Variants in SUCO observed in about 807,000 individuals in gnomAD.
The protein encoded by SUCO is SUN domain-containing ossification factor.
SUCO carries 57 observed loss-of-function variants against 148.1 expected under a neutral mutation model. The ratio of observed to expected loss-of-function variants is 0.38; its 90% CI spans 0.31 to 0.48. The LOEUF (loss-of-function observed/expected upper bound fraction) is 0.48, where lower values mean the gene tolerates loss of function less well. Among genes scored for constraint, SUCO ranks in the 20% least tolerant of loss-of-function variants. SUCO has a pLI of 0.96. For synonymous variants in SUCO, 470 were observed against 502.7 expected (o/e 0.93, Z 0.87); for missense variants, 1,331 against 1,468.2 (o/e 0.91, Z 1.53).
intron 7 of SUCO, chr1:172,569,472 A>C: frequency 4.1e-6 from 4 of 981,860 alleles, no homozygotes; most frequent in Non-Finnish European, 3.6e-6. Flanking sequence ...ACTTGCATAA[A>C]ATCCTTGGGT....
At chr1:172,572,755 A>G (rs1655139116) in intron 9 of SUCO, among the ~76,000 whole-genome samples, 1 of 143,534 alleles carries the variant, frequency 7.0e-6, no homozygotes, top group Non-Finnish European at 1.5e-5. Flanking sequence ...AAAAAGGAGT[A>G]TGTTTCTTCT....
At chr1:172,582,998 G>A (rs1187093978) in intron 15 of SUCO, among the ~76,000 whole-genome samples, 5 of 151,946 alleles carry the variant, frequency 3.3e-5, no homozygotes, top group African/African-American at 9.7e-5. Flanking sequence ...CAAAAAATTC[G>A]AAATCTCATA....
At chr1:172,573,460 G>T (rs1655195766) in intron 9 of SUCO, among the ~76,000 whole-genome samples, 1 of 152,050 alleles carries the variant, frequency 6.6e-6, no homozygotes, top group Admixed American at 6.6e-5. Flanking sequence ...ATATACAAAG[G>T]TGGACATCTG....
At chr1:172,594,657 A>ATT (rs1340697681) in intron 19 of SUCO, among the ~76,000 whole-genome samples, 1 of 152,116 alleles carries the variant, frequency 6.6e-6, no homozygotes, top group Non-Finnish European at 1.5e-5. Context: ...GTTTGTTATA[A>ATT]TTTCTGTTCT....
intron 1 of SUCO, among the ~76,000 whole-genome samples, chr1:172,548,800 C>T (rs1653060113): frequency 6.6e-6 from 1 of 151,892 alleles, no homozygotes; most frequent in African/African-American, 2.4e-5. Context: ...GGGAAATGTT[C>T]CACGTGTCCT....
At chr1:172,607,222 T>C (rs983977790) in intron 22 of SUCO, among the ~76,000 whole-genome samples, 3 of 151,964 alleles carry the variant, frequency 2.0e-5, no homozygotes, top group Non-Finnish European at 4.4e-5. Context: ...TTTTTCTCTT[T>C]GAAAAGTTAT....
At position 172,580,027 on chromosome 1, in the gene SUCO, C is replaced by T. The variant is rs146215622; in HGVS notation, c.1498+760C>T. On this transcript the variant is annotated intron_variant, in intron 15 of 23. Coordinates refer to ENST00000263688, the MANE Select transcript of SUCO (RefSeq NM_014283.5). ...CTTAGTGAATTGAATTGTTGAATAC[C>T]GATGTCTGTGAACATTGACTTTGTA... Among the ~76,000 whole-genome samples the T allele has an allele frequency of 4.3e-3, 650 of 152,166 alleles. 4 individuals are homozygous for T. The highest frequency in any genetic ancestry group is 0.018 in the South Asian group (88 of 4,820).
At chr1:172,536,054 C>A (rs1651989555) in intron 1 of SUCO, among the ~76,000 whole-genome samples, 1 of 152,214 alleles carries the variant, frequency 6.6e-6, no homozygotes, top group African/African-American at 2.4e-5. Flanking sequence ...CTAATATTTG[C>A]TGACAGCTGT....
At chr1:172,541,869 T>C in intron 1 of SUCO, 3 of 980,088 alleles carry the variant, frequency 3.1e-6, no homozygotes, top group Non-Finnish European at 3.6e-6. Flanking sequence ...TAAAGTTCAA[T>C]GAGAAAAGAA....
chr1:172,577,096 A>G (rs1472542667), intron 11 of SUCO: 1 of 575,908 alleles, frequency 1.7e-6, no homozygotes, highest in African/African-American at 2.0e-5. Flanking sequence ...ACTGTTACCA[A>G]TATGTATATG....
Position 172,533,246 on chromosome 1 carries a change from GCCTCTGTGGGGC to G in SUCO, c.-185_-174del. ...AGTCCTGTGAAGCGCCCCTGTCCGC[GCCTCTGTGGGGC>G]CCTCAGAGAGGGCTGCCAGGACGCG... On this transcript the variant is annotated 5_prime_UTR_variant, in exon 1 of 24. Transcript: ENST00000263688. 6.5e-7 allele frequency: 1 copy of G among 1,547,628 alleles called. No individual in the cohort carries two copies. Among genetic ancestry groups the G allele is most frequent in the Non-Finnish European group, 8.7e-7 (1 of 1,146,356 alleles).
intron 10 of SUCO, 22 bp downstream of exon 10, chr1:172,574,020 A>G (rs748576134): frequency 2.8e-5 from 38 of 1,374,300 alleles, no homozygotes; most frequent in East Asian, 2.3e-4. Flanking sequence ...AGCTGTTTCT[A>G]TAGGGTCTAT....
At chr1:172,568,727 A>G (rs1654734903) in intron 6 of SUCO, among the ~76,000 whole-genome samples, 1 of 152,158 alleles carries the variant, frequency 6.6e-6, no homozygotes, top group Non-Finnish European at 1.5e-5. Context: ...CAGGCTATAT[A>G]TGAGTAATTG....
At chr1:172,546,357 G>T (rs1427487873) in intron 1 of SUCO, among the ~76,000 whole-genome samples, 1 of 152,110 alleles carries the variant, frequency 6.6e-6, no homozygotes, top group Non-Finnish European at 1.5e-5. Flanking sequence ...GAAAAGAAAG[G>T]TAAGAAGATA....
chr1:172,534,144 G>A (rs1195379765), intron 1 of SUCO, among the ~76,000 whole-genome samples: 1 of 152,096 alleles, frequency 6.6e-6, no homozygotes, highest in African/African-American at 2.4e-5. Context: ...CCTTAGTGAC[G>A]GGAAGGTAAA....
intron 11 of SUCO, 134 bp downstream of exon 11, chr1:172,575,757 T>C (rs1655390568): frequency 4.0e-6 from 2 of 504,214 alleles, no homozygotes; most frequent in Non-Finnish European, 6.8e-6. Context: ...AGATAATTCT[T>C]ACTTGGGTAT....
chr1:172,543,646 A>T (rs1273775216), intron 1 of SUCO, among the ~76,000 whole-genome samples: 1 of 152,152 alleles, frequency 6.6e-6, no homozygotes, highest in Non-Finnish European at 1.5e-5. Flanking sequence ...AAAATTTAAG[A>T]CCCAATCCTA....
intron 11 of SUCO, chr1:172,577,013 C>G: frequency 1.3e-6 from 1 of 769,072 alleles, no homozygotes; most frequent in Non-Finnish European, 1.6e-6. Context: ...AATAACATAG[C>G]ATACCAAAAA....
In SUCO at chr1:172,533,427, G is replaced by A. The variant is rs1248490456; in HGVS notation, c.-9G>A. 15 of 1,558,450 alleles carry A rather than the reference G, an allele frequency of 9.6e-6. 1 individual carries two copies. Among genetic ancestry groups the A allele is most frequent in the Middle Eastern group, 1.7e-4 (1 of 6,000 alleles). On this transcript the variant is annotated 5_prime_UTR_variant, in exon 1 of 24. Coordinates refer to ENST00000263688, the MANE Select transcript of SUCO (RefSeq NM_014283.5). ...GCCGCCTTCTGGCAGGGGGAAGAAG[G>A]AGGAGAAGATGAAGAAGCACCGGCG... is the stretch of plus-strand genomic sequence containing the variant.
Sources: allele counts gnomAD v4.1 joint callset (sites outside exome capture counted in the v4.1 genomes callset), GRCh38; gene constraint gnomAD v4.1.1; transcripts MANE v1.5; gene names NCBI Gene and HGNC (gene_info 2026-07-23, HGNC 2026-07-21).